Variants in CADPS2 observed in about 807,000 individuals in gnomAD.
CADPS2 encodes calcium dependent secretion activator 2, also known as calcium-dependent secretion activator 2.
A neutral mutation model predicts 172.5 loss-of-function variants in CADPS2; 93 were observed. That is an observed-to-expected ratio of 0.54 (90% CI 0.46 to 0.64). CADPS2 has a LOEUF of 0.64. Ranked by LOEUF, CADPS2 falls within the 30% of genes least tolerant of loss-of-function variation. The pLI, the probability that CADPS2 is intolerant of heterozygous loss-of-function variation, is 0.00. For missense variants in CADPS2, 1,420 were observed against 1,565.9 expected (o/e 0.91, Z 1.57); for synonymous variants, 546 against 555.2 (o/e 0.98, Z 0.23).
chr7:122,748,772 A>G (rs902709424), intron 1 of CADPS2, among the ~76,000 whole-genome samples: 1 of 152,120 alleles, frequency 6.6e-6, no homozygotes, highest in Non-Finnish European at 1.5e-5. Context: ...CAGACTCTCA[A>G]TATGATAAAC....
intron 9 of CADPS2, among the ~76,000 whole-genome samples, chr7:122,492,127 G>A (rs772304750): frequency 6.6e-6 from 1 of 151,926 alleles, no homozygotes; most frequent in East Asian, 1.9e-4. Context: ...AGACGAGATC[G>A]CGCCATTGCA....
At chr7:122,768,772 T>C (rs2093627956) in intron 1 of CADPS2, among the ~76,000 whole-genome samples, 1 of 152,182 alleles carries the variant, frequency 6.6e-6, no homozygotes, top group Admixed American at 6.5e-5. Context: ...TTATGTCTTG[T>C]ATTTCAGTAC....
chr7:122,399,820 G>A (rs1453204535), intron 20 of CADPS2, among the ~76,000 whole-genome samples: 2 of 150,556 alleles, frequency 1.3e-5, no homozygotes, highest in Admixed American at 1.3e-4. Flanking sequence ...CCGAGTAGCT[G>A]GGACTACAGG....
chr7:122,885,801 GGAGAA>G (rs1824207757), intron 1 of CADPS2, among the ~76,000 whole-genome samples, 193 bp downstream of exon 1: 1 of 152,198 alleles, frequency 6.6e-6, no homozygotes, highest in Non-Finnish European at 1.5e-5. Flanking sequence ...GCGGGGAGGA[GGAGAA>G]GAGGTGTCCG....
chr7:122,792,293 G>C (rs1203894382), intron 1 of CADPS2, among the ~76,000 whole-genome samples: 1 of 152,172 alleles, frequency 6.6e-6, no homozygotes, highest in African/African-American at 2.4e-5. Context: ...GCTCTTAAGA[G>C]GTGATTAGTT....
chr7:122,709,297 C>T (rs1365302730), intron 2 of CADPS2, among the ~76,000 whole-genome samples: 5 of 152,016 alleles, frequency 3.3e-5, no homozygotes, highest in Admixed American at 3.3e-4. Flanking sequence ...CCAAAAGACA[C>T]ATGAAAAAAT....
intron 5 of CADPS2, among the ~76,000 whole-genome samples, chr7:122,617,714 T>C (rs1464774338): frequency 1.3e-5 from 2 of 152,188 alleles, no homozygotes; most frequent in African/African-American, 2.4e-5. Flanking sequence ...TCATGGGATC[T>C]GCTAGCCTAA....
At chr7:122,505,476 G>C (rs1344522871) in intron 9 of CADPS2, among the ~76,000 whole-genome samples, 1 of 152,170 alleles carries the variant, frequency 6.6e-6, no homozygotes, top group Non-Finnish European at 1.5e-5. Context: ...TCCATTTCTA[G>C]AGGCATGGTC....
chr7:122,705,569 AT>A (rs1487397252), intron 2 of CADPS2, among the ~76,000 whole-genome samples: 5 of 103,464 alleles, frequency 4.8e-5, no homozygotes, highest in Non-Finnish European at 5.5e-5. Context: ...ATTATATATT[AT>A]CTATATTATA....
intron 7 of CADPS2, among the ~76,000 whole-genome samples, chr7:122,567,403 G>A (rs1176505840): frequency 6.6e-6 from 1 of 152,058 alleles, no homozygotes; most frequent in Non-Finnish European, 1.5e-5. Context: ...TTTGTCCTAA[G>A]GATTACAAAA....
rs568718148 is a variant in CADPS2, at chr7:122,728,224, T to G, written c.453+8731A>C. Reference sequence around the variant, plus strand: ...CCTCTCTCTCTCTAGCTTACAAACATAAGACCAAGCAATGCAGTATATCTA... The same window carrying G: ...CCTCTCTCTCTCTAGCTTACAAACAGAAGACCAAGCAATGCAGTATATCTA... On this transcript the variant is annotated intron_variant, in intron 2 of 29. Transcript: ENST00000449022. Among the ~76,000 whole-genome samples the G allele has an allele frequency of 5.3e-5, 8 of 151,904 alleles. No homozygotes were observed. In the South Asian group the frequency reaches 1.5e-3, roughly 28 times the overall value.
chr7:122,684,928 AAAAC>A (rs1290600756), intron 2 of CADPS2, among the ~76,000 whole-genome samples: 1 of 152,246 alleles, frequency 6.6e-6, no homozygotes. Context: ...ATCAATTTTA[AAAAC>A]AAACATTCTG....
At chr7:122,351,397 A>AAAAAAAAAAAAAT (rs2038603507) in intron 27 of CADPS2, among the ~76,000 whole-genome samples, 1 of 147,946 alleles carries the variant, frequency 6.8e-6, no homozygotes, top group Non-Finnish European at 1.5e-5. Context: ...AAAAAAAAAA[A>AAAAAAAAAAAAAT]AAAAAATTCC....
intron 28 of CADPS2, among the ~76,000 whole-genome samples, chr7:122,330,209 A>G (rs2034678724): frequency 6.6e-6 from 1 of 152,240 alleles, no homozygotes; most frequent in Non-Finnish European, 1.5e-5. Context: ...ACGCCAAGAA[A>G]ATCTCACCTT....
rs550889618 is a variant in CADPS2, at chr7:122,814,456, TG to T, written c.339+71542del. Among the ~76,000 whole-genome samples the T allele has an allele frequency of 3.5e-3, 539 of 152,218 alleles. 1 individual carries two copies. The highest frequency in any genetic ancestry group is 5.3e-3 in the Non-Finnish European group (357 of 67,950). On this transcript the variant is annotated intron_variant, in intron 1 of 29. Coordinates refer to ENST00000449022, the MANE Select transcript of CADPS2 (RefSeq NM_017954.11). ...ATTCTGGAGGTCAGCAAACTGGTTT[TG>T]TGTGTCCTGAAAGCTAAGAATATCT...
Position 122,368,945 on chromosome 7 carries a change from A to C in CADPS2, c.3388-7932T>G, listed in dbSNP as rs183954822. 3.9e-5 allele frequency among the ~76,000 whole-genome samples: 6 copies of C among 152,292 alleles called. No homozygotes were observed. The East Asian group carries it at 1.2e-3, about 30-fold the overall frequency. Reference sequence around the variant, plus strand: ...TGTGAGGACACCCAGCTGGTAACATAAGAAAATGGGACTAGAATCCAACTT... The same window carrying C: ...TGTGAGGACACCCAGCTGGTAACATCAGAAAATGGGACTAGAATCCAACTT... On this transcript the variant is annotated intron_variant, in intron 25 of 29. Transcript: ENST00000449022.
chr7:122,708,488 T>TATATATATA (rs1554740579), intron 2 of CADPS2, among the ~76,000 whole-genome samples: 1 of 117,216 alleles, frequency 8.5e-6, no homozygotes, highest in African/African-American at 3.3e-5. Flanking sequence ...ATATATATAT[T>TATATATATA]GGATATGTAG....
intron 28 of CADPS2, among the ~76,000 whole-genome samples, chr7:122,334,620 G>C (rs2035558784): frequency 6.6e-6 from 1 of 152,136 alleles, no homozygotes; most frequent in Non-Finnish European, 1.5e-5. Context: ...ATTTGATGCA[G>C]GTGCTAGAAC....
chr7:122,350,881 G>C (rs1014321790), intron 27 of CADPS2, among the ~76,000 whole-genome samples: 2 of 151,970 alleles, frequency 1.3e-5, no homozygotes, highest in African/African-American at 4.8e-5. Flanking sequence ...AGCTGCTTAG[G>C]AGTCTGAGGT....
Sources: allele counts gnomAD v4.1 joint callset (sites outside exome capture counted in the v4.1 genomes callset), GRCh38; gene constraint gnomAD v4.1.1; transcripts MANE v1.5; gene names NCBI Gene and HGNC (gene_info 2026-07-23, HGNC 2026-07-21).